The following MAGOHB variants were observed in gnomAD, a reference collection of about 807,000 sequenced individuals.
The protein encoded by MAGOHB is mago homolog B, exon junction complex subunit, also known as protein mago nashi homolog 2.
In MAGOHB, 15 loss-of-function variants were observed where a neutral mutation model predicts 20.9. That is an observed-to-expected ratio of 0.72 (90% CI 0.48 to 1.11). The LOEUF is 1.11. Ranked by LOEUF, MAGOHB falls within the 50% of genes least tolerant of loss-of-function variation. MAGOHB has a pLI of 0.00. For synonymous variants in MAGOHB, 50 were observed against 57.9 expected, an observed-to-expected ratio of 0.86 and a Z score of 0.62; for missense variants, 162 against 177.6, an observed-to-expected ratio of 0.91 and a Z score of 0.50.
chr12:10,606,253 A>T lies in MAGOHB; in HGVS notation c.*22T>A. The T allele has an allele frequency of 7.8e-7, 1 of 1,279,194 alleles. No homozygotes were observed. The highest frequency in any genetic ancestry group is 1.4e-5 in the South Asian group (1 of 69,964). The allele number at this position is 1,279,194 out of a possible 1,614,324, so 79.2% of individuals were successfully genotyped here. On this transcript the variant is annotated 3_prime_UTR_variant, in exon 5 of 5. Transcript: ENST00000320756. ...CCTCCCATCCCTTAATTAAATATACAAACAGCCTGAAAACATACAATTTAA... is the reference window on the plus strand; with the variant it reads ...CCTCCCATCCCTTAATTAAATATACTAACAGCCTGAAAACATACAATTTAA...
intron 1 of MAGOHB, among the ~76,000 whole-genome samples, chr12:10,612,109 G>GGT (rs1445551642): frequency 3.3e-5 from 5 of 152,130 alleles, no homozygotes; most frequent in Admixed American, 6.5e-5. Context: ...CAGGACTGTG[G>GGT]GTGGCTGACG....
At chr12:10,607,795 G>A in intron 4 of MAGOHB, 59 bp downstream of exon 4, 1 of 917,140 alleles carries the variant, frequency 1.1e-6, no homozygotes, top group Admixed American at 2.1e-5. Context: ...ACTGACTATA[G>A]TTCTAAAATG....
At chr12:10,611,771 A>AAAAAT in intron 1 of MAGOHB, among the ~76,000 whole-genome samples, 2 of 93,114 alleles carry the variant, frequency 2.1e-5, no homozygotes, top group South Asian at 4.0e-4. Context: ...AAAAAAAAAA[A>AAAAAT]AAAAGAAAAG....
intron 4 of MAGOHB, among the ~76,000 whole-genome samples, chr12:10,606,649 A>G (rs973273685): frequency 6.6e-6 from 1 of 152,090 alleles, no homozygotes; most frequent in East Asian, 1.9e-4. Flanking sequence ...AAGCAGAAAA[A>G]AATAATACTG....
At chr12:10,608,117 A>G (rs1865662316) in intron 3 of MAGOHB, 181 bp from the exon 4 acceptor site, 1 of 475,652 alleles carries the variant, frequency 2.1e-6, no homozygotes. Context: ...TAAAATAAAG[A>G]CTGCTCACGC....
downstream of MAGOHB, among the ~76,000 whole-genome samples, chr12:10,603,674 T>G (rs1236304584): frequency 6.6e-6 from 1 of 152,216 alleles, no homozygotes; most frequent in Middle Eastern, 3.2e-3. Flanking sequence ...TAGGACAAGG[T>G]AGATGCCAGA....
Position 10,610,608 on chromosome 12 carries a change from C to CAA in MAGOHB, c.153+13_153+14insTT. The CAA allele has an allele frequency of 7.8e-7, 1 of 1,285,832 alleles. No homozygotes were observed. Among genetic ancestry groups the CAA allele is most frequent in the Non-Finnish European group, 1.0e-6 (1 of 968,164 alleles). 79.7% of individuals were successfully genotyped at this position (1,285,832 alleles called of 1,614,324 possible). A position where few individuals can be genotyped will look rare whatever the true frequency, so the allele number is the denominator to read the frequency against. ...AAAAAAAAAAAAAAAAAAAGACATT[C>CAA]ACATAGAACTTACCTCTTTTCTGAT... is the stretch of plus-strand genomic sequence containing the variant. On this transcript the variant is annotated intron_variant, in intron 2 of 4. Transcript: ENST00000320756.
chr12:10,612,413 A>G (rs1405859492), intron 1 of MAGOHB, among the ~76,000 whole-genome samples: 2 of 151,858 alleles, frequency 1.3e-5, no homozygotes, highest in Admixed American at 1.3e-4. Flanking sequence ...AATAATAATA[A>G]TAATAATTGC....
At chr12:10,601,901 A>G (rs1865558623), downstream of MAGOHB, among the ~76,000 whole-genome samples, 1 of 152,130 alleles carries the variant, frequency 6.6e-6, no homozygotes, top group Non-Finnish European at 1.5e-5. Flanking sequence ...TTCTTCCCCT[A>G]AGGTTCTAAT....
chr12:10,610,131 TCA>T (rs1471580500), intron 2 of MAGOHB, among the ~76,000 whole-genome samples, 190 bp from the exon 3 acceptor site: 10 of 152,212 alleles, frequency 6.6e-5, no homozygotes, highest in Non-Finnish European at 1.3e-4. Context: ...CCCTTTCCTT[TCA>T]CATACATTTT....
At chr12:10,607,334 G>T (rs994811166) in intron 4 of MAGOHB, among the ~76,000 whole-genome samples, 29 of 151,940 alleles carry the variant, frequency 1.9e-4, no homozygotes, top group African/African-American at 6.5e-4. Context: ...ACTTTGAGGG[G>T]AATGGGCACA....
At chr12:10,603,023 C>T (rs560511010), downstream of MAGOHB, among the ~76,000 whole-genome samples, 48 of 152,252 alleles carry the variant, frequency 3.2e-4, no homozygotes, top group African/African-American at 1.2e-3. Flanking sequence ...TAACTTTTAT[C>T]CCACTGCATG....
downstream of MAGOHB, among the ~76,000 whole-genome samples, chr12:10,601,064 T>G (rs1035542115): frequency 6.6e-6 from 1 of 152,218 alleles, no homozygotes; most frequent in African/African-American, 2.4e-5. Flanking sequence ...TGGATTGGCT[T>G]CGTCAATCCC....
intron 1 of MAGOHB, among the ~76,000 whole-genome samples, chr12:10,612,128 T>A (rs191155334): frequency 3.9e-5 from 6 of 152,164 alleles, no homozygotes; most frequent in African/African-American, 1.2e-4. Flanking sequence ...CGCTGGTGGA[T>A]CCCTTGACCT....
At chr12:10,613,101 C>A (rs376694452) in intron 1 of MAGOHB, 1 of 547,976 alleles carries the variant, frequency 1.8e-6, no homozygotes. Context: ...CTGGTCACCA[C>A]AAGATTTTAT....
intron 1 of MAGOHB, chr12:10,613,071 G>T: frequency 4.6e-6 from 3 of 659,106 alleles, no homozygotes; most frequent in Non-Finnish European, 6.7e-6. Flanking sequence ...AAAACACACA[G>T]CCTAAATGAA....
intron 3 of MAGOHB, 68 bp from the exon 4 acceptor site, chr12:10,608,004 A>G: frequency 3.1e-6 from 3 of 954,434 alleles, no homozygotes; most frequent in Non-Finnish European, 3.1e-6. Flanking sequence ...TATTCTTGCT[A>G]CAAGCAGATC....
chr12:10,602,567 C>G (rs1351157917), downstream of MAGOHB, among the ~76,000 whole-genome samples: 4 of 152,228 alleles, frequency 2.6e-5, no homozygotes, highest in African/African-American at 9.6e-5. Flanking sequence ...TAAACTTTAT[C>G]ACATCCAGTT....
downstream of MAGOHB, among the ~76,000 whole-genome samples, chr12:10,602,887 C>T (rs769445415): frequency 6.6e-6 from 1 of 152,096 alleles, no homozygotes; most frequent in Admixed American, 6.5e-5. Context: ...CTTCCTGCCC[C>T]AGACTAAAAT....
Sources: gnomAD v4.1 joint callset for allele counts (sites outside exome capture counted in the v4.1 genomes callset) on GRCh38, gnomAD v4.1.1 for gene constraint, MANE v1.5 for transcripts, NCBI Gene and HGNC (gene_info 2026-07-23, HGNC 2026-07-21) for gene names.